The following POLB variants were observed in gnomAD, a reference collection of about 807,000 sequenced individuals.
POLB encodes the protein DNA polymerase beta, also known as 5'-dRP lyase.
Under a neutral mutation model 52.7 loss-of-function variants are expected in POLB, and 37 were observed. The ratio of observed to expected loss-of-function variants is 0.70; its 90% CI spans 0.54 to 0.92. The LOEUF (loss-of-function observed/expected upper bound fraction) is 0.92, where lower values mean the gene tolerates loss of function less well. Among genes scored for constraint, POLB ranks in the 40% least tolerant of loss-of-function variants. The pLI, the probability that POLB is intolerant of heterozygous loss-of-function variation, is 0.00. For missense variants in POLB, 313 were observed against 400.8 expected, an observed-to-expected ratio of 0.78 and a Z score of 1.87; for synonymous variants, 138 against 131.3, an observed-to-expected ratio of 1.05 and a Z score of -0.35.
intron 10 of POLB, among the ~76,000 whole-genome samples, chr8:42,362,268 T>TAAAAC (rs1389578310): frequency 1.2e-5 from 1 of 83,696 alleles, no homozygotes; most frequent in East Asian, 2.9e-4. Flanking sequence ...AAAAATAAAA[T>TAAAAC]AAAATAAAAT....
In POLB at chr8:42,338,888, G is replaced by C; in HGVS notation, c.62-124G>C. 3 of 986,280 alleles carry C rather than the reference G, an allele frequency of 3.0e-6. No individual in the cohort carries two copies. In the Admixed American group the frequency reaches 5.7e-5, roughly 19 times the overall value. 61.1% of individuals were successfully genotyped at this position (986,280 alleles called of 1,614,324 possible). ...TGGGCCATCGCTTGGGCTGCTTTTG[G>C]TCTGGCCCTTGGAGGAAACGGGTGG... is the stretch of plus-strand genomic sequence containing the variant. On this transcript the variant is annotated intron_variant, in intron 1 of 13. Coordinates refer to ENST00000265421, the MANE Select transcript of POLB (RefSeq NM_002690.3).
At chr8:42,370,259 G>GTTTTTTTTTTTTTTTTTTT (rs34271342) in intron 13 of POLB, 2 of 290,576 alleles carry the variant, frequency 6.9e-6, no homozygotes, top group South Asian at 2.4e-5. Context: ...ATCTAAAAGG[G>GTTTTTTTTTTTTTTTTTTT]TTTTTTTTTT....
intron 3 of POLB, among the ~76,000 whole-genome samples, chr8:42,348,085 A>G (rs757130208): frequency 3.9e-5 from 6 of 152,208 alleles, no homozygotes; most frequent in African/African-American, 7.2e-5. Flanking sequence ...ACTACCCATG[A>G]AAGTGTTGGT....
chr8:42,358,228 C>T (rs529534150), intron 9 of POLB, among the ~76,000 whole-genome samples: 4 of 151,982 alleles, frequency 2.6e-5, no homozygotes, highest in East Asian at 1.9e-4. Flanking sequence ...TTTGGCCAGG[C>T]GCGGTGGCTC....
intron 11 of POLB, 109 bp from the exon 12 acceptor site, chr8:42,369,162 T>C: frequency 1.6e-6 from 1 of 638,820 alleles, no homozygotes; most frequent in Non-Finnish European, 2.8e-6. Context: ...GTGCTCAGAA[T>C]TCTAGAGCTG....
In POLB at chr8:42,357,224, G is replaced by T. The variant is rs1186086275; in HGVS notation, c.477+1G>T. 2 of 1,545,620 alleles carry T rather than the reference G, an allele frequency of 1.3e-6. No homozygotes were observed. Among genetic ancestry groups the T allele is most frequent in the Non-Finnish European group, 1.8e-6 (2 of 1,118,962 alleles). On this transcript the variant is annotated splice_donor_variant, in intron 8 of 13. Transcript: ENST00000265421. LOFTEE classifies it high-confidence loss of function. ...TCGTGAAGAGATGTTACAAATGCAAGTAAGATGTGTCAAATTATATTCTTT... is the reference window on the plus strand; with the variant it reads ...TCGTGAAGAGATGTTACAAATGCAATTAAGATGTGTCAAATTATATTCTTT...
chr8:42,369,651 A>G, intron 12 of POLB, 198 bp from the exon 13 acceptor site: 1 of 526,000 alleles, frequency 1.9e-6, no homozygotes, highest in Non-Finnish European at 3.3e-6. Flanking sequence ...CTCTTTCAGA[A>G]CAAAGTTCAC....
Position 42,338,537 on chromosome 8 carries a change from G to T in POLB, c.-88G>T. On this transcript the variant is annotated 5_prime_UTR_variant, in exon 1 of 14. Coordinates refer to ENST00000265421, the MANE Select transcript of POLB (RefSeq NM_002690.3). Reference sequence around the variant, plus strand: ...CCGGAGCTGGGTTGCTCCTGCTCCCGTCTCCAAGTCCTGGTACCTCCTTCA... The same window carrying T: ...CCGGAGCTGGGTTGCTCCTGCTCCCTTCTCCAAGTCCTGGTACCTCCTTCA... 1 of 1,204,816 alleles carries T rather than the reference G, an allele frequency of 8.3e-7. No homozygotes were observed. The highest frequency in any genetic ancestry group is 2.4e-5 in the East Asian group (1 of 42,114). 74.6% of individuals were successfully genotyped at this position (1,204,816 alleles called of 1,614,324 possible).
intron 9 of POLB, 126 bp downstream of exon 9, chr8:42,357,518 T>G (rs1297053923): frequency 3.3e-6 from 2 of 602,968 alleles, no homozygotes; most frequent in Non-Finnish European, 5.9e-6. Flanking sequence ...CCTAGTAGTA[T>G]TAGTTAAGGG....
At chr8:42,353,775 G>T (rs1038215502) in intron 6 of POLB, among the ~76,000 whole-genome samples, 6 of 152,144 alleles carry the variant, frequency 3.9e-5, no homozygotes, top group African/African-American at 1.4e-4. Context: ...CTTTATTAGA[G>T]TGGGATGACC....
intron 11 of POLB, among the ~76,000 whole-genome samples, chr8:42,364,700 G>C (rs1314435091): frequency 1.3e-5 from 2 of 152,186 alleles, no homozygotes; most frequent in Non-Finnish European, 2.9e-5. Flanking sequence ...GATTTGACAA[G>C]AGTTTTAGCC....
chr8:42,341,275 C>A (rs1020737087), intron 2 of POLB, among the ~76,000 whole-genome samples: 4 of 152,192 alleles, frequency 2.6e-5, no homozygotes, highest in Non-Finnish European at 5.9e-5. Flanking sequence ...TCATCTGATT[C>A]TTCTTCCCTT....
At chr8:42,351,389 T>C (rs1205524259) in intron 5 of POLB, among the ~76,000 whole-genome samples, 1 of 152,188 alleles carries the variant, frequency 6.6e-6, no homozygotes, top group Non-Finnish European at 1.5e-5. Context: ...ATGATACAGG[T>C]TTATTTGTCC....
intron 5 of POLB, among the ~76,000 whole-genome samples, chr8:42,350,329 C>G (rs900604712): frequency 1.4e-4 from 21 of 152,166 alleles, no homozygotes; most frequent in African/African-American, 4.8e-4. Context: ...CTCCTCTGAA[C>G]TCCACTACCA....
chr8:42,361,272 A>C (rs3136770), intron 9 of POLB, 23 bp from the exon 10 acceptor site: 1 of 1,570,220 alleles, frequency 6.4e-7, no homozygotes, highest in Non-Finnish European at 8.8e-7. Context: ...GGACAATCTC[A>C]TATGTGTCTT....
intron 9 of POLB, chr8:42,357,630 CTT>C: frequency 4.9e-6 from 2 of 404,606 alleles, no homozygotes; most frequent in Non-Finnish European, 8.7e-6. Flanking sequence ...TATTAAATGA[CTT>C]TAAGTATATT....
intron 11 of POLB, among the ~76,000 whole-genome samples, chr8:42,367,231 T>TTAC (rs1824095715): frequency 6.6e-6 from 1 of 152,182 alleles, no homozygotes; most frequent in Non-Finnish European, 1.5e-5. Flanking sequence ...GGACTGATAG[T>TTAC]TAACAATGAA....
chr8:42,358,145 A>G (rs1585900271), intron 9 of POLB, among the ~76,000 whole-genome samples: 1 of 152,212 alleles, frequency 6.6e-6, no homozygotes, highest in South Asian at 2.1e-4. Flanking sequence ...TGAGCAAAGT[A>G]AGAACCATAT....
intron 6 of POLB, among the ~76,000 whole-genome samples, chr8:42,353,333 G>T (rs990779250): frequency 2.0e-5 from 3 of 151,290 alleles, no homozygotes; most frequent in Non-Finnish European, 2.9e-5. Flanking sequence ...GGATGGTCTC[G>T]GTCTGACCTT....
Sources: gnomAD v4.1 joint callset for allele counts (sites outside exome capture counted in the v4.1 genomes callset) on GRCh38, gnomAD v4.1.1 for gene constraint, MANE v1.5 for transcripts, NCBI Gene and HGNC (gene_info 2026-07-23, HGNC 2026-07-21) for gene names.